ATP13A4: variants seen among roughly 807,000 people sequenced by gnomAD.
The protein encoded by ATP13A4 is probable cation-transporting ATPase 13A4.
ATP13A4 carries 114 observed loss-of-function variants against 142.5 expected under a neutral mutation model. The ratio of observed to expected loss-of-function variants is 0.80; its 90% CI spans 0.69 to 0.93. The LOEUF (loss-of-function observed/expected upper bound fraction) is 0.93. ATP13A4 is among the 40% of genes least tolerant of loss of function. ATP13A4 has a pLI of 0.00. For missense variants in ATP13A4, 1,392 were observed against 1,454.0 expected, an observed-to-expected ratio of 0.96 and a Z score of 0.69; for synonymous variants, 488 against 514.8, an observed-to-expected ratio of 0.95 and a Z score of 0.70.
chr3:193,573,530 G>A (rs936131897), intron 2 of ATP13A4, among the ~76,000 whole-genome samples: 1 of 151,664 alleles, frequency 6.6e-6, no homozygotes, highest in Non-Finnish European at 1.5e-5. Context: ...CTGGCATGAG[G>A]GGCTCCTCTG....
intron 1 of ATP13A4, among the ~76,000 whole-genome samples, chr3:193,538,616 C>T (rs1191581566): frequency 6.6e-6 from 1 of 151,876 alleles, no homozygotes; most frequent in Non-Finnish European, 1.5e-5. Context: ...GCCCTTTCAG[C>T]ACTTGTGGAT....
intron 25 of ATP13A4, 87 bp downstream of exon 25, chr3:193,433,756 CTG>C: frequency 1.1e-6 from 1 of 895,148 alleles, no homozygotes; most frequent in Non-Finnish European, 1.9e-6. Context: ...GTTGCAGCTG[CTG>C]TTCCTCATGG....
rs1464567392 is a variant in ATP13A4, at chr3:193,435,745, C to T, written c.2673-1G>A. On this transcript the variant is annotated splice_acceptor_variant, in intron 23 of 29. Coordinates refer to ENST00000342695, the MANE Select transcript of ATP13A4 (RefSeq NM_032279.4). LOFTEE classifies it high-confidence loss of function. ...GGTAACGAGAGCTGCACGTCCTTCC[C>T]TGTGTAAGAAAAGAAATGATAAAGA... is the stretch of plus-strand genomic sequence containing the variant. 4 of 1,611,126 alleles carry T rather than the reference C, an allele frequency of 2.5e-6. No individual in the cohort carries two copies. The highest frequency in any genetic ancestry group is 3.4e-6 in the Non-Finnish European group (4 of 1,177,544).
chr3:193,471,142 G>T, intron 8 of ATP13A4, 149 bp from the exon 9 acceptor site: 1 of 1,080,390 alleles, frequency 9.3e-7, no homozygotes, highest in Non-Finnish European at 1.4e-6. Context: ...TTCAAAATTT[G>T]AAAACAAAAA....
At position 193,410,990 on chromosome 3, in the gene ATP13A4, G is replaced by T. The variant is rs765075604; in HGVS notation, c.3289C>A (p.Arg1097Ser). Residue 1097 changes from arginine to serine, a missense_variant, in exon 28 of 30, where the codon CGT becomes AGT. Coordinates refer to ENST00000342695, the MANE Select transcript of ATP13A4 (RefSeq NM_032279.4). The stretch of plus-strand genomic sequence containing the variant: ...CCAAAGATTAGACTTACATCCAAAC[G>T]TCTATATAATTCTGGTATATCAGCA... Reference protein sequence around the residue: ...LFADIPELYRRLDLLCTPVLW... With the variant: ...LFADIPELYRSLDLLCTPVLW... The T allele has an allele frequency of 6.3e-7, 1 of 1,597,576 alleles. No individual in the cohort carries two copies. Among genetic ancestry groups the T allele is most frequent in the East Asian group, 2.2e-5 (1 of 44,598 alleles).
At chr3:193,413,506 T>C (rs1044276167) in intron 26 of ATP13A4, among the ~76,000 whole-genome samples, 6 of 152,190 alleles carry the variant, frequency 3.9e-5, no homozygotes, top group African/African-American at 9.6e-5. Flanking sequence ...GCAGAGAGCC[T>C]ATAAATGGAC....
chr3:193,414,976 G>C (rs915336288), intron 25 of ATP13A4, among the ~76,000 whole-genome samples: 9 of 151,950 alleles, frequency 5.9e-5, no homozygotes, highest in Non-Finnish European at 1.3e-4. Context: ...TTATAAATAG[G>C]GAAAAACTAT....
chr3:193,453,622 G>A (rs949548178), intron 17 of ATP13A4, among the ~76,000 whole-genome samples: 18 of 151,786 alleles, frequency 1.2e-4, no homozygotes, highest in African/African-American at 4.4e-4. Context: ...TTTTGTAGAT[G>A]TCACCAAGAT....
intron 1 of ATP13A4, among the ~76,000 whole-genome samples, chr3:193,529,361 C>G (rs1313500152): frequency 6.6e-6 from 1 of 151,736 alleles, no homozygotes; most frequent in Non-Finnish European, 1.5e-5. Context: ...TTAAGTTGTA[C>G]ATAAATATTT....
At chr3:193,430,743 A>G (rs1228841495) in intron 25 of ATP13A4, among the ~76,000 whole-genome samples, 1 of 152,118 alleles carries the variant, frequency 6.6e-6, no homozygotes, top group Non-Finnish European at 1.5e-5. Context: ...GTGAGTGGCA[A>G]TGTGGGTAGA....
At chr3:193,482,801 A>G (rs1486226311) in intron 8 of ATP13A4, among the ~76,000 whole-genome samples, 4 of 152,346 alleles carry the variant, frequency 2.6e-5, no homozygotes, top group South Asian at 4.1e-4. Context: ...CTGCTAGTGT[A>G]AAACGGCGCC....
At chr3:193,591,499 A>T (rs1037664302) in intron 1 of ATP13A4, among the ~76,000 whole-genome samples, 1 of 152,236 alleles carries the variant, frequency 6.6e-6, no homozygotes, top group African/African-American at 2.4e-5. Context: ...CCTTATCAGG[A>T]CATACAGACC....
At position 193,532,435 on chromosome 3, in the gene ATP13A4, CT is replaced by C. The variant is rs1201598628; in HGVS notation, c.61-17565del. On this transcript the variant is annotated intron_variant, in intron 1 of 29. Coordinates refer to ENST00000342695, the MANE Select transcript of ATP13A4 (RefSeq NM_032279.4). ...TTACAGATAATAGGCCCCCAACAAA[CT>C]GAATTACACCAAACTTTGATTGATT... 6.1e-5 allele frequency among the ~76,000 whole-genome samples: 9 copies of C among 148,558 alleles called. 1 individual carries two copies. In the South Asian group the frequency reaches 1.8e-3, roughly 29 times the overall value.
rs188191234 is a variant in ATP13A4 at position 193,550,950 on chromosome 3, C to T, written c.60+3790G>A. Among the ~76,000 whole-genome samples, 634 of 152,214 alleles carry T rather than the reference C, an allele frequency of 4.2e-3. 1 individual carries two copies. The highest frequency in any genetic ancestry group is 6.6e-3 in the Non-Finnish European group (449 of 67,996). The stretch of plus-strand genomic sequence containing the variant: ...TCTAAATTCCTTCAAAATAGAAATA[C>T]AAAACGTCAGGACTCAAAGAGATTT... On this transcript the variant is annotated intron_variant, in intron 1 of 29. Transcript: ENST00000342695.
At chr3:193,499,294 T>C (rs988688844) in intron 3 of ATP13A4, among the ~76,000 whole-genome samples, 5 of 152,190 alleles carry the variant, frequency 3.3e-5, no homozygotes, top group African/African-American at 1.2e-4. Flanking sequence ...GCAAAGGAAA[T>C]ATTTGTAAAT....
intron 1 of ATP13A4, among the ~76,000 whole-genome samples, chr3:193,549,174 C>T (rs1723397201): frequency 6.6e-6 from 1 of 152,032 alleles, no homozygotes; most frequent in African/African-American, 2.4e-5. Flanking sequence ...GGTAATTTGG[C>T]ATGATGTGTT....
At chr3:193,531,343 G>A (rs1560262446) in intron 1 of ATP13A4, among the ~76,000 whole-genome samples, 1 of 112,562 alleles carries the variant, frequency 8.9e-6, no homozygotes, top group African/African-American at 3.3e-5. Context: ...AGGAAGGGAG[G>A]AAGAGAGGGA....
chr3:193,485,294 A>G (rs115625708), intron 7 of ATP13A4, among the ~76,000 whole-genome samples: 4 of 150,666 alleles, frequency 2.7e-5, no homozygotes, highest in Admixed American at 6.6e-5. Flanking sequence ...ACGTACAGGT[A>G]GAGCAGCAGT....
chr3:193,503,790 C>T (rs148775810), intron 2 of ATP13A4, among the ~76,000 whole-genome samples: 256 of 152,274 alleles, frequency 1.7e-3, no homozygotes, highest in African/African-American at 6.0e-3. Context: ...TTCTACCATC[C>T]TTCAGGGTCC....
Sources: gnomAD v4.1 joint callset for allele counts (sites outside exome capture counted in the v4.1 genomes callset) on GRCh38, gnomAD v4.1.1 for gene constraint, MANE v1.5 for transcripts, NCBI Gene and HGNC (gene_info 2026-07-23, HGNC 2026-07-21) for gene names.